PTER: variants seen among roughly 807,000 people sequenced by gnomAD.
PTER encodes the protein phosphotriesterase related, also known as N-acetyltaurine hydrolase.
In PTER, 38 loss-of-function variants were observed where a neutral mutation model predicts 29.6. The ratio of observed to expected loss-of-function variants is 1.28; its 90% CI spans 0.99 to 1.68. The LOEUF is 1.68. Ranked by LOEUF, PTER falls within the 40% of genes most tolerant of loss-of-function variation. The probability of loss-of-function intolerance (pLI) is 0.00; values close to 1 mark genes in which losing one functional copy is unlikely to be tolerated. For missense variants in PTER, 482 were observed against 427.8 expected, an observed-to-expected ratio of 1.13 and a Z score of -1.12; for synonymous variants, 172 against 154.5, an observed-to-expected ratio of 1.11 and a Z score of -0.84.
intron 1 of PTER, among the ~76,000 whole-genome samples, chr10:16,475,110 C>T (rs999625769): frequency 2.0e-5 from 3 of 152,078 alleles, no homozygotes; most frequent in Non-Finnish European, 4.4e-5. Flanking sequence ...CAGTTGATCA[C>T]CTCTCAAAGG....
chr10:16,459,021 A>AT (rs1834510349), intron 1 of PTER, among the ~76,000 whole-genome samples: 1 of 152,158 alleles, frequency 6.6e-6, no homozygotes, highest in Non-Finnish European at 1.5e-5. Context: ...GGGAAAAAAG[A>AT]TTTTTAAAAA....
chr10:16,455,571 G>C (rs776590476), intron 1 of PTER, among the ~76,000 whole-genome samples: 4 of 152,014 alleles, frequency 2.6e-5, no homozygotes, highest in Non-Finnish European at 5.9e-5. Context: ...TATTTCTGTG[G>C]TCCCAGCTAC....
intron 1 of PTER, among the ~76,000 whole-genome samples, chr10:16,469,794 T>C (rs528612765): frequency 9.2e-5 from 14 of 152,186 alleles, no homozygotes; most frequent in African/African-American, 2.4e-4. Context: ...CCCAAGCTGA[T>C]TGCGAACTCC....
intron 1 of PTER, among the ~76,000 whole-genome samples, chr10:16,468,690 G>A (rs1834934111): frequency 6.6e-6 from 1 of 152,102 alleles, no homozygotes; most frequent in African/African-American, 2.4e-5. Flanking sequence ...AACAGAAGAA[G>A]GTAGCTAGGT....
At chr10:16,471,326 C>G (rs1004489655) in intron 1 of PTER, among the ~76,000 whole-genome samples, 1 of 152,154 alleles carries the variant, frequency 6.6e-6, no homozygotes, top group Non-Finnish European at 1.5e-5. Context: ...GTATATGTTA[C>G]TATTTTACCT....
intron 1 of PTER, among the ~76,000 whole-genome samples, chr10:16,467,550 G>A (rs1300332129): frequency 6.6e-6 from 1 of 152,178 alleles, no homozygotes; most frequent in Non-Finnish European, 1.5e-5. Flanking sequence ...AGTGACTCAT[G>A]CCTGTAATCC....
intron 1 of PTER, among the ~76,000 whole-genome samples, chr10:16,476,337 C>T (rs1226708941): frequency 1.3e-5 from 2 of 152,260 alleles, no homozygotes; most frequent in East Asian, 3.9e-4. Flanking sequence ...ACCTCGGCCT[C>T]CCAAAGTGCT....
At chr10:16,484,901 C>T (rs1320690314) in intron 2 of PTER, 85 bp downstream of exon 2, 2 of 1,402,960 alleles carry the variant, frequency 1.4e-6, no homozygotes, top group Non-Finnish European at 1.9e-6. Context: ...TCAGAGGTAG[C>T]TGGGCATGCT....
At chr10:16,517,860 A>G (rs959085801), downstream of PTER, among the ~76,000 whole-genome samples, 6 of 152,222 alleles carry the variant, frequency 3.9e-5, no homozygotes, top group African/African-American at 1.4e-4. Context: ...CATAAACAAA[A>G]GGTTAAGTGG....
At chr10:16,465,952 A>G (rs1242236458) in intron 1 of PTER, among the ~76,000 whole-genome samples, 1 of 152,174 alleles carries the variant, frequency 6.6e-6, no homozygotes, top group Non-Finnish European at 1.5e-5. Context: ...CAGCATGGGG[A>G]AAACTGTCGC....
chr10:16,450,777 G>A (rs1834177645), intron 1 of PTER, among the ~76,000 whole-genome samples: 1 of 152,148 alleles, frequency 6.6e-6, no homozygotes. Flanking sequence ...GAACTAAGTA[G>A]CAACCAACCA....
At chr10:16,514,070 C>A, downstream of PTER, 1 of 366,790 alleles carries the variant, frequency 2.7e-6, no homozygotes. Context: ...TTCAATTAGA[C>A]CTTCTCCTGC....
intron 1 of PTER, among the ~76,000 whole-genome samples, chr10:16,455,903 A>G (rs1410076920): frequency 6.6e-6 from 1 of 152,192 alleles, no homozygotes; most frequent in Non-Finnish European, 1.5e-5. Flanking sequence ...CTTAGAGAAC[A>G]CATCTTTATA....
chr10:16,481,661 G>C (rs1835484997), intron 1 of PTER, among the ~76,000 whole-genome samples: 1 of 151,600 alleles, frequency 6.6e-6, no homozygotes, highest in Admixed American at 6.6e-5. Context: ...TTTTTTTTCA[G>C]AAAGACTCAC....
chr10:16,463,704 C>A (rs1356967017), intron 1 of PTER, among the ~76,000 whole-genome samples: 3 of 152,230 alleles, frequency 2.0e-5, no homozygotes, highest in Non-Finnish European at 4.4e-5. Flanking sequence ...GCGTGAGCCA[C>A]CATGCCCGGC....
chr10:16,505,484 T>C (rs1588632109), intron 4 of PTER, among the ~76,000 whole-genome samples: 1 of 152,254 alleles, frequency 6.6e-6, no homozygotes, highest in South Asian at 2.1e-4. Flanking sequence ...TTACCCCTAA[T>C]GAAATAAGCT....
At chr10:16,517,265 T>G (rs1404154941), downstream of PTER, among the ~76,000 whole-genome samples, 1 of 152,224 alleles carries the variant, frequency 6.6e-6, no homozygotes, top group African/African-American at 2.4e-5. Context: ...TAGTCCGTAT[T>G]TCTTTAACCC....
intron 1 of PTER, among the ~76,000 whole-genome samples, chr10:16,437,824 C>T (rs1392343850): frequency 6.6e-6 from 1 of 152,150 alleles, no homozygotes; most frequent in Non-Finnish European, 1.5e-5. Context: ...TCTGACTCCA[C>T]AGCCAGTGTG....
At chr10:16,508,472 C>G (rs1022799396) in intron 4 of PTER, among the ~76,000 whole-genome samples, 1 of 151,966 alleles carries the variant, frequency 6.6e-6, no homozygotes, top group East Asian at 1.9e-4. Context: ...CTTTTGCACA[C>G]CTGTGTCTCG....
Sources: gnomAD v4.1 joint callset for allele counts (sites outside exome capture counted in the v4.1 genomes callset) on GRCh38, gnomAD v4.1.1 for gene constraint, MANE v1.5 for transcripts, NCBI Gene and HGNC (gene_info 2026-07-23, HGNC 2026-07-21) for gene names.